Variants in ERC1 observed in about 807,000 individuals in gnomAD.
The protein encoded by ERC1 is RAB6 interacting protein 2.
Under a neutral mutation model 132.0 loss-of-function variants are expected in ERC1, and 56 were observed. That is an observed-to-expected ratio of 0.42 (90% CI 0.34 to 0.53). The LOEUF is 0.53. Among genes scored for constraint, ERC1 ranks in the 20% least tolerant of loss-of-function variants. The pLI is 0.03. For missense variants in ERC1, 1,202 were observed against 1,349.9 expected (o/e 0.89, Z 1.72); for synonymous variants, 478 against 476.1 (o/e 1.00, Z -0.05).
intron 13 of ERC1, among the ~76,000 whole-genome samples, chr12:1,250,109 GTTTTAA>G (rs1438252300): frequency 1.3e-5 from 2 of 152,166 alleles, no homozygotes; most frequent in African/African-American, 4.8e-5. Flanking sequence ...AGCAAGCTCT[GTTTTAA>G]CCTCATCTTG....
intron 12 of ERC1, among the ~76,000 whole-genome samples, chr12:1,228,002 A>G (rs1478419737): frequency 6.6e-6 from 1 of 152,146 alleles, no homozygotes; most frequent in Non-Finnish European, 1.5e-5. Context: ...ATTCTGTTCC[A>G]TTGGTATAGA....
At chr12:1,175,909 C>T (rs1267070830) in intron 8 of ERC1, among the ~76,000 whole-genome samples, 1 of 152,202 alleles carries the variant, frequency 6.6e-6, no homozygotes, top group Non-Finnish European at 1.5e-5. Flanking sequence ...TTCTGTTTCT[C>T]TTGCTATTTC....
intron 15 of ERC1, among the ~76,000 whole-genome samples, chr12:1,334,699 G>T (rs2083160856): frequency 6.6e-6 from 1 of 152,136 alleles, no homozygotes; most frequent in Non-Finnish European, 1.5e-5. Flanking sequence ...GGGTAGGATT[G>T]CCTTGGCTGT....
chr12:1,302,017 C>T (rs1246832446), intron 15 of ERC1, among the ~76,000 whole-genome samples: 3 of 152,032 alleles, frequency 2.0e-5, no homozygotes, highest in African/African-American at 7.2e-5. Context: ...GAATTGTGAC[C>T]CTCCTGCCTA....
At chr12:1,121,689 C>CTCTA (rs1261405014) in intron 7 of ERC1, among the ~76,000 whole-genome samples, 2 of 68,178 alleles carry the variant, frequency 2.9e-5, no homozygotes, top group Admixed American at 1.5e-4. Context: ...CTATCTCTAT[C>CTCTA]TCTATCTCTA....
At chr12:1,439,200 A>G (rs139315696) in intron 17 of ERC1, among the ~76,000 whole-genome samples, 3 of 152,268 alleles carry the variant, frequency 2.0e-5, no homozygotes, top group African/African-American at 7.2e-5. Flanking sequence ...TTGAAGTCAC[A>G]TGGCCCAAGA....
At chr12:1,029,618 T>C (rs981234413) in intron 2 of ERC1, among the ~76,000 whole-genome samples, 2 of 152,304 alleles carry the variant, frequency 1.3e-5, no homozygotes, top group Admixed American at 6.5e-5. Flanking sequence ...TCACTTATTT[T>C]TCTGTGCTCC....
intron 2 of ERC1, among the ~76,000 whole-genome samples, chr12:1,055,470 A>G (rs1972777491): frequency 6.6e-6 from 1 of 152,166 alleles, no homozygotes; most frequent in Non-Finnish European, 1.5e-5. Flanking sequence ...GTGAACCACC[A>G]TACTTGGCCT....
At chr12:1,442,143 C>T (rs2093173076) in intron 17 of ERC1, among the ~76,000 whole-genome samples, 1 of 152,208 alleles carries the variant, frequency 6.6e-6, no homozygotes, top group African/African-American at 2.4e-5. Flanking sequence ...GGCCAGGCTG[C>T]TCTCAAAATC....
intron 14 of ERC1, among the ~76,000 whole-genome samples, chr12:1,268,337 T>C (rs2077602613): frequency 6.6e-6 from 1 of 152,232 alleles, no homozygotes; most frequent in South Asian, 2.1e-4. Flanking sequence ...TTGTACCTTT[T>C]TCCCTGCTAA....
chr12:1,360,916 A>AAAAT (rs1255476132), intron 15 of ERC1, among the ~76,000 whole-genome samples: 1 of 151,890 alleles, frequency 6.6e-6, no homozygotes, highest in Non-Finnish European at 1.5e-5. Context: ...CTCTCTAATA[A>AAAAT]AAATAAATAA....
chr12:1,411,053 A>G (rs1390211889), intron 17 of ERC1, among the ~76,000 whole-genome samples: 1 of 152,178 alleles, frequency 6.6e-6, no homozygotes, highest in Non-Finnish European at 1.5e-5. Context: ...TGAGGAGCAA[A>G]GTAAAGGAAA....
At chr12:1,282,405 A>T (rs970396344) in intron 14 of ERC1, among the ~76,000 whole-genome samples, 1 of 152,218 alleles carries the variant, frequency 6.6e-6, no homozygotes, top group Non-Finnish European at 1.5e-5. Flanking sequence ...AAGCACTTAG[A>T]ACAGTGTACT....
At chr12:1,183,883 C>T (rs1223328594) in intron 11 of ERC1, among the ~76,000 whole-genome samples, 1 of 151,816 alleles carries the variant, frequency 6.6e-6, no homozygotes, top group Non-Finnish European at 1.5e-5. Flanking sequence ...TGCCTGTAAT[C>T]CCAGCACTTT....
chr12:1,002,181 T>C (rs1238541388), intron 1 of ERC1, among the ~76,000 whole-genome samples: 1 of 121,528 alleles, frequency 8.2e-6, no homozygotes, highest in Non-Finnish European at 1.7e-5. Context: ...TTTTTTTTTT[T>C]TTTTTTTTTT....
chr12:1,178,776 C>T (rs763165963), intron 8 of ERC1, among the ~76,000 whole-genome samples: 1 of 152,136 alleles, frequency 6.6e-6, no homozygotes, highest in Non-Finnish European at 1.5e-5. Context: ...TATCTCTGCC[C>T]TACACTATGT....
chr12:1,003,121 A>G (rs1962792154), intron 1 of ERC1, among the ~76,000 whole-genome samples: 1 of 149,002 alleles, frequency 6.7e-6, no homozygotes, highest in East Asian at 1.9e-4. Flanking sequence ...AAAAGACTCA[A>G]AAAAAAAAAG....
chr12:1,319,644 G>A (rs1339854532), intron 15 of ERC1, among the ~76,000 whole-genome samples: 3 of 152,094 alleles, frequency 2.0e-5, no homozygotes, highest in South Asian at 2.1e-4. Flanking sequence ...AGACTTTATT[G>A]TAATGATGTA....
chr12:1,130,869 A>G (rs552597038), intron 7 of ERC1, among the ~76,000 whole-genome samples: 1 of 152,310 alleles, frequency 6.6e-6, no homozygotes, highest in East Asian at 1.9e-4. Flanking sequence ...ACAATGGGAA[A>G]TGCAGTCATA....
Sources: gnomAD v4.1 joint callset for allele counts (sites outside exome capture counted in the v4.1 genomes callset) on GRCh38, gnomAD v4.1.1 for gene constraint, MANE v1.5 for transcripts, NCBI Gene and HGNC (gene_info 2026-07-23, HGNC 2026-07-21) for gene names.